The following PCDHA7 variants were observed in gnomAD, a reference collection of about 807,000 sequenced individuals.
PCDHA7 encodes protocadherin alpha-7.
In PCDHA7, 37 loss-of-function variants were observed where a neutral mutation model predicts 57.2. The observed-to-expected ratio is 0.65, with a 90% CI of 0.50 to 0.85. The LOEUF (loss-of-function observed/expected upper bound fraction) is 0.85. Ranked by LOEUF, PCDHA7 falls within the 40% of genes least tolerant of loss-of-function variation. PCDHA7 has a pLI of 0.00. For synonymous variants in PCDHA7, 553 were observed against 558.8 expected, an observed-to-expected ratio of 0.99 and a Z score of 0.15; for missense variants, 1,188 against 1,241.8, an observed-to-expected ratio of 0.96 and a Z score of 0.65.
intron 1 of PCDHA7, chr5:140,841,944 A>G (rs1554138658): frequency 6.2e-7 from 1 of 1,613,794 alleles, no homozygotes; most frequent in African/African-American, 1.3e-5. Context: ...GCTCCTGCGC[A>G]CCACTTATTC....
chr5:140,898,547 A>C (rs1337213913), intron 1 of PCDHA7, among the ~76,000 whole-genome samples: 3 of 152,078 alleles, frequency 2.0e-5, no homozygotes, highest in Non-Finnish European at 4.4e-5. Flanking sequence ...CCATTTATCT[A>C]TGTCTCTGTT....
chr5:140,876,330 A>G, intron 1 of PCDHA7: 2 of 1,614,042 alleles, frequency 1.2e-6, no homozygotes, highest in Admixed American at 1.7e-5. Flanking sequence ...TGATTTTGCC[A>G]GTGAGTGAGA....
At chr5:140,937,568 G>T (rs1342447969) in intron 1 of PCDHA7, among the ~76,000 whole-genome samples, 1 of 151,920 alleles carries the variant, frequency 6.6e-6, no homozygotes, top group East Asian at 1.9e-4. Context: ...AGTGAGCTGG[G>T]ATCGCGTCAC....
chr5:140,988,062 A>G (rs1032842011), intron 3 of PCDHA7, among the ~76,000 whole-genome samples: 1 of 152,114 alleles, frequency 6.6e-6, no homozygotes, highest in Non-Finnish European at 1.5e-5. Context: ...GTCAACATGA[A>G]TTTTTCTATT....
chr5:140,915,222 C>T (rs2153533644), intron 1 of PCDHA7, among the ~76,000 whole-genome samples: 1 of 152,292 alleles, frequency 6.6e-6, no homozygotes, highest in South Asian at 2.1e-4. Context: ...GCTGGGATTA[C>T]AGGCATGAGC....
chr5:140,888,819 G>A (rs2061994549), intron 1 of PCDHA7, among the ~76,000 whole-genome samples: 1 of 151,908 alleles, frequency 6.6e-6, no homozygotes, highest in African/African-American at 2.4e-5. Context: ...TGTGATCTGT[G>A]ATCACATCAC....
At chr5:140,898,972 C>G (rs1180112967) in intron 1 of PCDHA7, among the ~76,000 whole-genome samples, 2 of 151,980 alleles carry the variant, frequency 1.3e-5, no homozygotes, top group African/African-American at 4.8e-5. Flanking sequence ...GGAGTTCACT[C>G]ATGATTTGGC....
intron 3 of PCDHA7, among the ~76,000 whole-genome samples, chr5:141,007,658 A>G (rs2098338890): frequency 6.6e-6 from 1 of 152,098 alleles, no homozygotes; most frequent in Non-Finnish European, 1.5e-5. Context: ...AAAAACCATA[A>G]ATTTACAAAG....
intron 1 of PCDHA7, chr5:140,852,445 T>G (rs1294912184): frequency 5.4e-6 from 1 of 184,644 alleles, no homozygotes; most frequent in Admixed American, 6.7e-5. Flanking sequence ...GCCCAGCTAA[T>G]TTTTGTATTT....
rs567902726 is a variant in PCDHA7 at position 140,936,017 on chromosome 5, C to T, written c.2356-42932C>T. Among the ~76,000 whole-genome samples, 12 of 151,854 alleles carry T rather than the reference C, an allele frequency of 7.9e-5. No individual in the cohort carries two copies. The South Asian group carries it at 1.7e-3, about 21-fold the overall frequency. ...AAGCGATTCTCCCACCTCAGCCTCCCGAGTAGCGGGGATTACAGGCACCCA... is the reference window on the plus strand; with the variant it reads ...AAGCGATTCTCCCACCTCAGCCTCCTGAGTAGCGGGGATTACAGGCACCCA... On this transcript the variant is annotated intron_variant, in intron 1 of 3. Coordinates refer to ENST00000525929, the MANE Select transcript of PCDHA7 (RefSeq NM_018910.3).
At chr5:140,890,767 T>A (rs1342716029) in intron 1 of PCDHA7, among the ~76,000 whole-genome samples, 3 of 152,210 alleles carry the variant, frequency 2.0e-5, no homozygotes, top group African/African-American at 7.2e-5. Context: ...AAAAATATTT[T>A]AAAACCCCAT....
intron 3 of PCDHA7, among the ~76,000 whole-genome samples, chr5:140,985,796 G>GTGC (rs1245486198): frequency 7.1e-6 from 1 of 140,828 alleles, no homozygotes; most frequent in Non-Finnish European, 1.5e-5. Flanking sequence ...CTGGAGTGCA[G>GTGC]TGGCACGATC....
chr5:140,857,702 G>A, intron 1 of PCDHA7: 2 of 1,597,414 alleles, frequency 1.3e-6, no homozygotes, highest in East Asian at 2.2e-5. Flanking sequence ...GACGCTGCAG[G>A]TGTTCGTGCT....
chr5:140,845,456 CTGATATT>C (rs1779887189), intron 1 of PCDHA7, among the ~76,000 whole-genome samples: 2 of 149,562 alleles, frequency 1.3e-5, no homozygotes, highest in Admixed American at 1.3e-4. Context: ...CTTCAACTCT[CTGATATT>C]TGAATTTGGG....
chr5:140,969,066 G>A (rs2096292938), intron 1 of PCDHA7: 2 of 1,614,144 alleles, frequency 1.2e-6, no homozygotes, highest in Admixed American at 3.3e-5. Context: ...ATTGATGCCA[G>A]GATACCGCAT....
intron 1 of PCDHA7, chr5:140,968,459 G>A (rs1554230743): frequency 6.2e-7 from 1 of 1,614,094 alleles, no homozygotes; most frequent in African/African-American, 1.3e-5. Flanking sequence ...CACTGTGACT[G>A]CCAACGTATA....
At chr5:140,989,928 A>T (rs2097366853) in intron 3 of PCDHA7, among the ~76,000 whole-genome samples, 1 of 152,032 alleles carries the variant, frequency 6.6e-6, no homozygotes, top group African/African-American at 2.4e-5. Context: ...GCAGAGATAG[A>T]TGACATTCCA....
rs782597550 is a variant in PCDHA7 at position 140,934,018 on chromosome 5, TG to T, written c.2356-44929del. ...ACCTCTCATTTTTCTTGACTAGACTTGGAAGTAGTTTATTAATGATATTAGT... is the reference window on the plus strand; with the variant it reads ...ACCTCTCATTTTTCTTGACTAGACTTGAAGTAGTTTATTAATGATATTAGT... On this transcript the variant is annotated intron_variant, in intron 1 of 3. Coordinates refer to ENST00000525929, the MANE Select transcript of PCDHA7 (RefSeq NM_018910.3). Among the ~76,000 whole-genome samples the T allele has an allele frequency of 2.6e-4, 40 of 152,182 alleles. 1 individual carries two copies. The highest frequency in any genetic ancestry group is 3.4e-3 in the Middle Eastern group (1 of 294).
intron 1 of PCDHA7, among the ~76,000 whole-genome samples, chr5:140,974,516 T>G (rs533322332): frequency 2.0e-5 from 3 of 152,328 alleles, no homozygotes; most frequent in African/African-American, 7.2e-5. Context: ...TTTTATTTTA[T>G]TTTAGTTTTT....
Sources: allele counts gnomAD v4.1 joint callset (sites outside exome capture counted in the v4.1 genomes callset), GRCh38; gene constraint gnomAD v4.1.1; transcripts MANE v1.5; gene names NCBI Gene and HGNC (gene_info 2026-07-23, HGNC 2026-07-21).